ERCC6L2: variants seen among roughly 807,000 people sequenced by gnomAD.
ERCC6L2 encodes the protein DNA excision repair protein ERCC-6-like 2.
A neutral mutation model predicts 132.0 loss-of-function variants in ERCC6L2; 77 were observed. The observed-to-expected ratio is 0.58, with a 90% CI of 0.49 to 0.71. ERCC6L2 has a LOEUF of 0.71. ERCC6L2 is among the 30% of genes least tolerant of loss of function. The pLI is 0.00. For missense variants in ERCC6L2, 1,542 were observed against 1,837.6 expected (o/e 0.84, Z 2.94); for synonymous variants, 583 against 632.4 (o/e 0.92, Z 1.17).
At chr9:96,022,927 G>A (rs1834315276), downstream of ERCC6L2, among the ~76,000 whole-genome samples, 1 of 152,094 alleles carries the variant, frequency 6.6e-6, no homozygotes, top group South Asian at 2.1e-4. Flanking sequence ...ACAGACACAG[G>A]CCACTTAGCG....
intron 11 of ERCC6L2, among the ~76,000 whole-genome samples, chr9:95,929,865 A>G (rs1484423436): frequency 6.6e-6 from 1 of 152,176 alleles, no homozygotes; most frequent in African/African-American, 2.4e-5. Flanking sequence ...AATGGTTCCA[A>G]TAATAGACTC....
At chr9:95,890,403 GTT>G (rs1473875448) in intron 2 of ERCC6L2, among the ~76,000 whole-genome samples, 3 of 152,088 alleles carry the variant, frequency 2.0e-5, no homozygotes, top group Non-Finnish European at 4.4e-5. Context: ...TTTATAGAAA[GTT>G]TATGTAAATT....
chr9:95,984,928 A>T (rs1449089430), intron 17 of ERCC6L2, among the ~76,000 whole-genome samples: 1 of 152,068 alleles, frequency 6.6e-6, no homozygotes, highest in East Asian at 1.9e-4. Flanking sequence ...ATAGTTAATC[A>T]GTCAGGGGAA....
chr9:95,987,341 GC>G (rs1284702664), intron 17 of ERCC6L2, among the ~76,000 whole-genome samples: 1 of 152,198 alleles, frequency 6.6e-6, no homozygotes, highest in African/African-American at 2.4e-5. Context: ...CTGCCTATGA[GC>G]CTGTAAAATC....
rs575707687 is a variant in ERCC6L2, at chr9:95,937,036, T to C, written c.1752-4418T>C. Among the ~76,000 whole-genome samples, 7 of 152,332 alleles carry C rather than the reference T, an allele frequency of 4.6e-5. No homozygotes were observed. In the South Asian group the frequency reaches 1.4e-3, roughly 32 times the overall value. ...TTATACATTCATCTGTTGAAGGGCA[T>C]CTGGGTTGTTTCCAGTTTTCGGCTG... On this transcript the variant is annotated intron_variant, in intron 11 of 18. Transcript: ENST00000653738.
chr9:95,935,409 G>A (rs754120055), intron 11 of ERCC6L2, among the ~76,000 whole-genome samples: 2 of 152,100 alleles, frequency 1.3e-5, no homozygotes, highest in Non-Finnish European at 1.5e-5. Flanking sequence ...TTATTTTAAC[G>A]AAGCTCAGTT....
intron 17 of ERCC6L2, among the ~76,000 whole-genome samples, chr9:95,986,548 G>A (rs997210855): frequency 7.1e-6 from 1 of 140,580 alleles, no homozygotes; most frequent in Non-Finnish European, 1.5e-5. Context: ...CCAGGCCAGT[G>A]TGCAGTGATG....
At chr9:95,901,545 G>C (rs1468131152) in intron 3 of ERCC6L2, among the ~76,000 whole-genome samples, 3 of 152,004 alleles carry the variant, frequency 2.0e-5, no homozygotes, top group African/African-American at 7.2e-5. Flanking sequence ...TGTTTTGCTT[G>C]TTGTTGTTTT....
chr9:95,916,471 T>G (rs756248403), intron 6 of ERCC6L2, 37 bp downstream of exon 6: 2 of 1,423,912 alleles, frequency 1.4e-6, no homozygotes, highest in Admixed American at 5.3e-5. Context: ...TAATTTGTGG[T>G]CATATTTTTT....
chr9:96,027,809 T>TC (rs1194167212), intron 19 of ERCC6L2: 1 of 152,484 alleles, frequency 6.6e-6, no homozygotes, highest in South Asian at 2.1e-4. Flanking sequence ...AGCCGACTCC[T>TC]CAGCCTTCTA....
At chr9:95,941,320 A>G (rs1587944588) in intron 11 of ERCC6L2, 134 bp from the exon 12 acceptor site, 2 of 561,998 alleles carry the variant, frequency 3.6e-6, no homozygotes, top group Non-Finnish European at 6.3e-6. Context: ...TTGTATTTTA[A>G]TCACCACCTT....
At chr9:95,998,920 T>C (rs556220388) in intron 17 of ERCC6L2, among the ~76,000 whole-genome samples, 2 of 152,348 alleles carry the variant, frequency 1.3e-5, no homozygotes, top group African/African-American at 4.8e-5. Context: ...AAATGGCACA[T>C]TGATTCCTAA....
intron 8 of ERCC6L2, 57 bp from the exon 9 acceptor site, chr9:95,923,203 A>T (rs1829952806): frequency 6.5e-7 from 1 of 1,548,804 alleles, no homozygotes; most frequent in Non-Finnish European, 8.7e-7. Context: ...ATTTCAATTT[A>T]TACAGGTTTG....
intron 12 of ERCC6L2, among the ~76,000 whole-genome samples, chr9:95,949,170 A>G (rs1401198851): frequency 6.6e-6 from 1 of 152,328 alleles, no homozygotes; most frequent in East Asian, 1.9e-4. Flanking sequence ...TAGGTTATTT[A>G]AAATTATTTA....
intron 12 of ERCC6L2, among the ~76,000 whole-genome samples, chr9:95,942,898 GAGAATGATTTATAA>G (rs1326043118): frequency 6.6e-6 from 1 of 152,126 alleles, no homozygotes; most frequent in Non-Finnish European, 1.5e-5. Flanking sequence ...GAAACAGGGA[GAGAATGATTTATAA>G]AAACTGCAAC....
chr9:95,891,184 G>T (rs903443320), intron 2 of ERCC6L2, among the ~76,000 whole-genome samples: 1 of 152,160 alleles, frequency 6.6e-6, no homozygotes, highest in African/African-American at 2.4e-5. Context: ...TTGCACTCCA[G>T]CCTGGGCAAC....
At chr9:95,933,510 A>T (rs1830429791) in intron 11 of ERCC6L2, among the ~76,000 whole-genome samples, 1 of 152,174 alleles carries the variant, frequency 6.6e-6, no homozygotes, top group Non-Finnish European at 1.5e-5. Flanking sequence ...TGTGATTGTC[A>T]ATTTTCTCGC....
intron 9 of ERCC6L2, among the ~76,000 whole-genome samples, chr9:95,923,935 G>A (rs1031860734): frequency 4.8e-5 from 7 of 145,876 alleles, no homozygotes; most frequent in African/African-American, 1.5e-4. Flanking sequence ...ATGTGTTACC[G>A]AGGGAAGGGT....
chr9:95,923,366 G>A lies in ERCC6L2; in HGVS notation c.1520G>A (p.Ser507Asn), dbSNP rs1176876950. 1 of 1,612,822 alleles carries A rather than the reference G, an allele frequency of 6.2e-7. No individual in the cohort carries two copies. Among genetic ancestry groups the A allele is most frequent in the African/African-American group, 1.3e-5 (1 of 74,850 alleles). Reference sequence around the variant, plus strand: ...GAAACACTTTCTGACCCTAAATACAGTGGAAAAATGAAGGTAAGTGCTCCT... The same window carrying A: ...GAAACACTTTCTGACCCTAAATACAATGGAAAAATGAAGGTAAGTGCTCCT... Reference protein sequence around the residue: ...AFETLSDPKYSGKMKVLQQLL... With the variant: ...AFETLSDPKYNGKMKVLQQLL... Residue 507 changes from serine (S) to asparagine (N), a missense_variant, in exon 9 of 19, where the codon AGT becomes AAT. Ser to Asn is a conservative substitution (Grantham distance 46). Coordinates refer to ENST00000653738, the MANE Select transcript of ERCC6L2 (RefSeq NM_020207.7).
Sources: gnomAD v4.1 joint callset for allele counts (sites outside exome capture counted in the v4.1 genomes callset) on GRCh38, gnomAD v4.1.1 for gene constraint, MANE v1.5 for transcripts, NCBI Gene and HGNC (gene_info 2026-07-23, HGNC 2026-07-21) for gene names.